Variants in GPAT3 observed in about 807,000 individuals in gnomAD.
GPAT3 encodes 1-AGP acyltransferase 9.
GPAT3 carries 53 observed loss-of-function variants against 58.8 expected under a neutral mutation model. The observed-to-expected ratio is 0.90, with a 90% CI of 0.72 to 1.13. The LOEUF is 1.13. Ranked by LOEUF, GPAT3 falls within the 50% of genes most tolerant of loss-of-function variation. The pLI, the probability that GPAT3 is intolerant of heterozygous loss-of-function variation, is 0.00. For synonymous variants in GPAT3, 197 were observed against 187.4 expected (o/e 1.05, Z -0.42); for missense variants, 511 against 527.6 (o/e 0.97, Z 0.31).
chr4:83,599,860 A>T (rs1273859826), intron 11 of GPAT3, among the ~76,000 whole-genome samples: 1 of 152,176 alleles, frequency 6.6e-6, no homozygotes, highest in Non-Finnish European at 1.5e-5. Flanking sequence ...TCCTATATAG[A>T]CTATGTTTTT....
At chr4:83,602,281 G>A (rs913669055) in intron 11 of GPAT3, among the ~76,000 whole-genome samples, 5 of 152,158 alleles carry the variant, frequency 3.3e-5, no homozygotes, top group African/African-American at 4.8e-5. Context: ...GCCAAGTACA[G>A]ACTCTCCATC....
intron 2 of GPAT3, among the ~76,000 whole-genome samples, chr4:83,551,907 C>G (rs1356709637): frequency 6.7e-6 from 1 of 150,220 alleles, no homozygotes; most frequent in Middle Eastern, 3.2e-3. Flanking sequence ...TGGGGGGTTA[C>G]ATTTATATTG....
chr4:83,546,599 A>G lies in GPAT3; in HGVS notation c.208+1997A>G, dbSNP rs114128843. Among the ~76,000 whole-genome samples the G allele has an allele frequency of 2.8e-3, 423 of 152,178 alleles. 1 individual carries two copies. The highest frequency in any genetic ancestry group is 9.7e-3 in the African/African-American group (401 of 41,508). ...TGCTGATACCCGCAAAATTTGTCATATTTCATTCAGAGTGTCTACCCTTCC... is the reference window on the plus strand; with the variant it reads ...TGCTGATACCCGCAAAATTTGTCATGTTTCATTCAGAGTGTCTACCCTTCC... On this transcript the variant is annotated intron_variant, in intron 2 of 11. Coordinates refer to ENST00000264409, the MANE Select transcript of GPAT3 (RefSeq NM_032717.5).
At chr4:83,585,685 T>C (rs933114153) in intron 3 of GPAT3, among the ~76,000 whole-genome samples, 1 of 151,960 alleles carries the variant, frequency 6.6e-6, no homozygotes, top group Non-Finnish European at 1.5e-5. Context: ...CTTGGCTCAC[T>C]GCAACCAACC....
At chr4:83,559,681 C>G (rs1725061938) in intron 2 of GPAT3, among the ~76,000 whole-genome samples, 1 of 152,152 alleles carries the variant, frequency 6.6e-6, no homozygotes, top group African/African-American at 2.4e-5. Flanking sequence ...AACAATCGTT[C>G]CATTCTCCTT....
intron 5 of GPAT3, among the ~76,000 whole-genome samples, chr4:83,589,244 CT>C (rs1726499173): frequency 6.6e-6 from 1 of 152,162 alleles, no homozygotes; most frequent in Non-Finnish European, 1.5e-5. Flanking sequence ...AGAAAATATG[CT>C]AAATAATTGT....
In GPAT3 at chr4:83,581,755, C is replaced by G. The variant is rs746642807; in HGVS notation, c.402C>G (p.Phe134Leu). ...WNLLTRTNVN[F>L]QYISLRLTMV... ...TCCTCACAAGAACCAATGTAAATTT[C>G]CAGTACATCAGTCTGCGGCTCACTA... The change falls in exon 3 of 12, where the codon TTC becomes TTG. Residue 134 changes from phenylalanine (F) to leucine (L), a missense_variant. Phe to Leu is a conservative substitution (Grantham distance 22). Coordinates refer to ENST00000264409, the MANE Select transcript of GPAT3 (RefSeq NM_032717.5). 7.4e-6 allele frequency: 12 copies of G among 1,614,060 alleles called. No homozygotes were observed. The highest frequency in any genetic ancestry group is 8.5e-6 in the Non-Finnish European group (10 of 1,180,034).
At chr4:83,545,072 A>C (rs1010446350) in intron 2 of GPAT3, among the ~76,000 whole-genome samples, 1 of 152,230 alleles carries the variant, frequency 6.6e-6, no homozygotes, top group Non-Finnish European at 1.5e-5. Flanking sequence ...TAAGTTTAGG[A>C]ATCATCACAT....
chr4:83,577,976 T>C (rs7659966), intron 2 of GPAT3, among the ~76,000 whole-genome samples: 7,553 of 151,950 alleles, frequency 0.05, 653 homozygotes, highest in African/African-American at 0.17. Flanking sequence ...ATTTTTTGTA[T>C]TTTTAGTAGA....
At chr4:83,571,132 A>G (rs1211118785) in intron 2 of GPAT3, among the ~76,000 whole-genome samples, 1 of 152,204 alleles carries the variant, frequency 6.6e-6, no homozygotes, top group Non-Finnish European at 1.5e-5. Context: ...TCCATGTTGC[A>G]TGAATCAGTG....
chr4:83,585,615 CT>C (rs202185390), intron 3 of GPAT3, among the ~76,000 whole-genome samples: 28,157 of 143,944 alleles, frequency 0.2, 3,135 homozygotes, highest in East Asian at 0.33. Context: ...TACGCTGTTT[CT>C]TTTTTTTTTT....
intron 6 of GPAT3, among the ~76,000 whole-genome samples, chr4:83,593,056 G>A (rs1169294392): frequency 5.3e-5 from 8 of 150,788 alleles, no homozygotes; most frequent in African/African-American, 9.8e-5. Flanking sequence ...TAGTAGAGAC[G>A]GGGTTTTGCC....
chr4:83,603,983 G>A (rs777824400), intron 11 of GPAT3, among the ~76,000 whole-genome samples: 11 of 152,026 alleles, frequency 7.2e-5, no homozygotes, highest in Non-Finnish European at 1.5e-4. Context: ...ATAGGTAGAC[G>A]AAAAACCAGT....
At position 83,578,948 on chromosome 4, in the gene GPAT3, T is replaced by TCTTTCTTTCTTTCTTTCTTTCTTTC. The variant is rs11392342; in HGVS notation, c.209-2614_209-2613insCTTTCTTTCTTTCTTTCTTTCTTTC. Among the ~76,000 whole-genome samples the TCTTTCTTTCTTTCTTTCTTTCTTTC allele has an allele frequency of 1.6e-3, 118 of 71,866 alleles. 6 individuals are homozygous for TCTTTCTTTCTTTCTTTCTTTCTTTC. The highest frequency in any genetic ancestry group is 7.7e-3 in the Middle Eastern group (1 of 130). The allele number at this position is 71,866 out of a possible 152,430, so 47.1% of individuals were successfully genotyped here. ...TTCTTTCTTTCTTTCTTTTCTTTTC[T>TCTTTCTTTCTTTCTTTCTTTCTTTC]TTTCTTTCTTTCTTTCTTTCTTTCT... On this transcript the variant is annotated intron_variant, in intron 2 of 11. Coordinates refer to ENST00000264409, the MANE Select transcript of GPAT3 (RefSeq NM_032717.5).
chr4:83,569,452 A>C (rs1434142112), intron 2 of GPAT3, among the ~76,000 whole-genome samples: 2 of 152,262 alleles, frequency 1.3e-5, no homozygotes, highest in South Asian at 2.1e-4. Flanking sequence ...AGGTTAATAA[A>C]GATGTAAAAA....
chr4:83,581,466 G>A, intron 2 of GPAT3, 96 bp from the exon 3 acceptor site: 2 of 1,318,792 alleles, frequency 1.5e-6, no homozygotes, highest in South Asian at 2.9e-5. Flanking sequence ...TTATTTACTT[G>A]TTTGGCATAT....
chr4:83,603,818 T>C (rs1319500403), intron 11 of GPAT3, among the ~76,000 whole-genome samples: 1 of 140,936 alleles, frequency 7.1e-6, no homozygotes, highest in Non-Finnish European at 1.5e-5. Context: ...AAAAAGAAAA[T>C]ATAACTTGTT....
At chr4:83,585,124 T>C (rs1726330424) in intron 3 of GPAT3, among the ~76,000 whole-genome samples, 1 of 152,092 alleles carries the variant, frequency 6.6e-6, no homozygotes, top group African/African-American at 2.4e-5. Flanking sequence ...TAAACAATAA[T>C]TTAGTTATTG....
chr4:83,560,896 T>C (rs1283617815), intron 2 of GPAT3, among the ~76,000 whole-genome samples: 2 of 152,312 alleles, frequency 1.3e-5, no homozygotes, highest in East Asian at 3.9e-4. Flanking sequence ...CCTTCTGCCA[T>C]GATTGTAAGT....
Sources: allele counts gnomAD v4.1 joint callset (sites outside exome capture counted in the v4.1 genomes callset), GRCh38; gene constraint gnomAD v4.1.1; transcripts MANE v1.5; gene names NCBI Gene and HGNC (gene_info 2026-07-23, HGNC 2026-07-21).